EXO1: variants seen among roughly 807,000 people sequenced by gnomAD.
The protein encoded by EXO1 is exonuclease 1.
A neutral mutation model predicts 84.5 loss-of-function variants in EXO1; 69 were observed. The observed-to-expected ratio is 0.82, with a 90% CI of 0.67 to 1.00. EXO1 has a LOEUF of 1.00. Ranked by LOEUF, EXO1 falls within the 50% of genes least tolerant of loss-of-function variation. The pLI is 0.00. For synonymous variants in EXO1, 373 were observed against 366.1 expected, an observed-to-expected ratio of 1.02 and a Z score of -0.21; for missense variants, 1,045 against 1,000.7, an observed-to-expected ratio of 1.04 and a Z score of -0.60.
chr1:241,850,836 C>CTTTTTT (rs10641736), intron 4 of EXO1, among the ~76,000 whole-genome samples: 19 of 105,084 alleles, frequency 1.8e-4, no homozygotes, highest in African/African-American at 3.3e-4. Context: ...CTCCTTTATT[C>CTTTTTT]TTTTTTTTTT....
At chr1:241,852,950 C>T (rs2148388785) in intron 5 of EXO1, among the ~76,000 whole-genome samples, 1 of 152,096 alleles carries the variant, frequency 6.6e-6, no homozygotes, top group Non-Finnish European at 1.5e-5. Flanking sequence ...AGCCACTGTG[C>T]CTGGCCTAAA....
intron 15 of EXO1, among the ~76,000 whole-genome samples, chr1:241,886,669 T>C (rs981148894): frequency 2.0e-5 from 3 of 152,216 alleles, no homozygotes; most frequent in Non-Finnish European, 4.4e-5. Context: ...ATACTTTGGT[T>C]TATTTAGGTT....
At chr1:241,871,955 G>A (rs1662120835) in intron 11 of EXO1, 77 bp from the exon 12 acceptor site, 7 of 1,025,172 alleles carry the variant, frequency 6.8e-6, no homozygotes, top group South Asian at 1.4e-5. Context: ...AGGACAATGG[G>A]ATATAAACTG....
chr1:241,884,476 G>T (rs1662929652), intron 14 of EXO1, among the ~76,000 whole-genome samples: 1 of 152,140 alleles, frequency 6.6e-6, no homozygotes, highest in Non-Finnish European at 1.5e-5. Context: ...GTCAATAGAG[G>T]TTTGTTTAAG....
At position 241,848,713 on chromosome 1, in the gene EXO1, T is replaced by A. The variant is rs1660487634; in HGVS notation, c.-419-18T>A. 6.6e-6 allele frequency: 1 copy of A among 152,202 alleles called. No individual in the cohort carries two copies. The highest frequency in any genetic ancestry group is 1.5e-5 in the Non-Finnish European group (1 of 68,046). The allele number at this position is 152,202 out of a possible 1,614,324, so 9.4% of individuals were successfully genotyped here. A position where few individuals can be genotyped will look rare whatever the true frequency, so the allele number is the denominator to read the frequency against. On this transcript the variant is annotated intron_variant, in intron 1 of 15. Transcript: ENST00000366548. The surrounding 1 kb of genome is among the most constrained non-coding windows in gnomAD (Gnocchi z 4.2). ...CCTTTAAATGTTGACAAGTACATTT[T>A]CCCATAATATTTTGCAGGCCTAAGG...
chr1:241,874,704 C>T (rs1403648322), intron 12 of EXO1, among the ~76,000 whole-genome samples: 1 of 152,196 alleles, frequency 6.6e-6, no homozygotes, highest in Non-Finnish European at 1.5e-5. Flanking sequence ...CTTCAGTTCT[C>T]TCCTTTTAAA....
intron 10 of EXO1, among the ~76,000 whole-genome samples, chr1:241,865,260 G>A (rs956203152): frequency 1.5e-4 from 22 of 145,176 alleles, no homozygotes; most frequent in Admixed American, 2.2e-4. Context: ...TGCCCAGGCT[G>A]GCACGCGGTG....
At chr1:241,849,400 T>G (rs1228416350) in intron 3 of EXO1, among the ~76,000 whole-genome samples, 184 bp downstream of exon 3, 2 of 152,078 alleles carry the variant, frequency 1.3e-5, no homozygotes, top group African/African-American at 4.8e-5. Context: ...AATCTCTGTA[T>G]AGAAAGGGCT....
chr1:241,881,429 G>A (rs1662749473), intron 13 of EXO1, among the ~76,000 whole-genome samples: 1 of 152,180 alleles, frequency 6.6e-6, no homozygotes, highest in South Asian at 2.1e-4. Flanking sequence ...GGGGCAGAAA[G>A]GTCTGAAAGT....
In EXO1 at chr1:241,872,267, G is replaced by A; in HGVS notation, c.1503G>A (p.Gly501=). The change falls in exon 12 of 16, where the codon GGG becomes GGA. Residue 501 remains glycine, a synonymous_variant. Coordinates refer to ENST00000366548, the MANE Select transcript of EXO1 (RefSeq NM_130398.4). The part of the protein sequence containing the change: ...NEESGAVVVP[G]TRSRFFCSSD... ...AAAGTGGTGCAGTTGTGGTTCCAGG[G>A]ACCAGAAGCAGGTATAGTTATGTCT... is the stretch of plus-strand genomic sequence containing the variant. 2 of 1,613,940 alleles carry A rather than the reference G, an allele frequency of 1.2e-6. No individual in the cohort carries two copies. The highest frequency in any genetic ancestry group is 8.5e-7 in the Non-Finnish European group (1 of 1,179,934).
In EXO1 at chr1:241,850,408, G is replaced by A. The variant is rs763419296; in HGVS notation, c.-17-1G>A. ...GTTCTCCCTGTCTCTTTTCATATCAGGTAGTTAATTTGGCACCATGGGGAT... is the reference window on the plus strand; with the variant it reads ...GTTCTCCCTGTCTCTTTTCATATCAAGTAGTTAATTTGGCACCATGGGGAT... On this transcript the variant is annotated splice_acceptor_variant, in intron 3 of 15. Coordinates refer to ENST00000366548, the MANE Select transcript of EXO1 (RefSeq NM_130398.4). LOFTEE classifies it low-confidence loss of function (5UTR_SPLICE). The A allele has an allele frequency of 1.3e-6, 2 of 1,596,668 alleles. No individual in the cohort carries two copies. The highest frequency in any genetic ancestry group is 3.3e-5 in the Admixed American group (2 of 59,978).
At chr1:241,888,885 G>C (rs889728582) in intron 15 of EXO1, among the ~76,000 whole-genome samples, 1 of 152,076 alleles carries the variant, frequency 6.6e-6, no homozygotes, top group Non-Finnish European at 1.5e-5. Context: ...GACCAGCCTG[G>C]CCAGCATGGT....
rs754354692 is a variant in EXO1, at chr1:241,881,929, A to G, written c.2123A>G (p.Asn708Ser). 3 of 1,555,086 alleles carry G rather than the reference A, an allele frequency of 1.9e-6. No homozygotes were observed. Among genetic ancestry groups the G allele is most frequent in the Non-Finnish European group, 2.7e-6 (3 of 1,129,776 alleles). Residue 708 changes from asparagine (N) to serine (S), a missense_variant, in exon 14 of 16, where the codon AAT becomes AGT. Physicochemically the swap from Asn to Ser is conservative, Grantham distance 46 (BLOSUM62 1). Transcript: ENST00000366548. The stretch of plus-strand genomic sequence containing the variant: ...TGGGGACTCTAGGAATCTGATTGCA[A>G]TATTAAGTTACTTGACAGTCAAAGT... ...KDSDSEESDC[N>S]IKLLDSQSDQ...
chr1:241,858,198 G>A (rs546283081), intron 7 of EXO1, among the ~76,000 whole-genome samples: 2 of 152,278 alleles, frequency 1.3e-5, no homozygotes, highest in South Asian at 2.1e-4. Context: ...AATGTTTTTC[G>A]TATGCATTAC....
In EXO1 at chr1:241,848,441, C is replaced by A. The variant is rs1328441695; in HGVS notation, c.-420+88C>A. The stretch of plus-strand genomic sequence containing the variant: ...CACCTCCGACCCTCCTCTCGGGATT[C>A]GGGTCTTCCAGGAAGGGAAGGAGAG... On this transcript the variant is annotated intron_variant, in intron 1 of 15. Coordinates refer to ENST00000366548, the MANE Select transcript of EXO1 (RefSeq NM_130398.4). This position sits in a 1 kb window ranked among gnomAD's most constrained non-coding sequence, Gnocchi z 4.2. 6.6e-6 allele frequency: 1 copy of A among 152,300 alleles called. No homozygotes were observed. Among genetic ancestry groups the A allele is most frequent in the Non-Finnish European group, 1.5e-5 (1 of 68,160 alleles). The allele number at this position is 152,300 out of a possible 1,614,324, so 9.4% of individuals were successfully genotyped here.
At chr1:241,850,353 T>A in intron 3 of EXO1, 56 bp from the exon 4 acceptor site, 1 of 1,196,364 alleles carries the variant, frequency 8.4e-7, no homozygotes, top group Non-Finnish European at 1.2e-6. Context: ...TAAGATGTTT[T>A]AATAAATGTA....
intron 11 of EXO1, among the ~76,000 whole-genome samples, chr1:241,870,505 T>A (rs906774942): frequency 6.6e-6 from 1 of 152,196 alleles, no homozygotes; most frequent in Non-Finnish European, 1.5e-5. Flanking sequence ...GAAGAAATAT[T>A]TAGAATTGTG....
chr1:241,887,426 G>GT (rs1291735892), intron 15 of EXO1, among the ~76,000 whole-genome samples: 2 of 151,958 alleles, frequency 1.3e-5, no homozygotes, highest in African/African-American at 2.4e-5. Flanking sequence ...TAATTGAGAT[G>GT]TACTTCCAAA....
At chr1:241,871,975 C>T (rs1574164588) in intron 11 of EXO1, 57 bp from the exon 12 acceptor site, 2 of 1,451,962 alleles carry the variant, frequency 1.4e-6, no homozygotes, top group African/African-American at 2.8e-5. Flanking sequence ...GAAGTTAAGG[C>T]CAAATCTCTA....
Sources: gnomAD v4.1 joint callset for allele counts (sites outside exome capture counted in the v4.1 genomes callset) on GRCh38, gnomAD v4.1.1 for gene constraint, Gnocchi (gnomAD v3.1) non-coding constraint, MANE v1.5 for transcripts, NCBI Gene and HGNC (gene_info 2026-07-23, HGNC 2026-07-21) for gene names.